The following EXTL3 variants were observed in gnomAD, a reference collection of about 807,000 sequenced individuals.
The protein encoded by EXTL3 is exostosin-like 3.
EXTL3 carries 27 observed loss-of-function variants against 69.3 expected under a neutral mutation model. The ratio of observed to expected loss-of-function variants is 0.39; its 90% CI spans 0.29 to 0.54. The LOEUF is 0.54. Among genes scored for constraint, EXTL3 ranks in the 20% least tolerant of loss-of-function variants. The pLI, the probability that EXTL3 is intolerant of heterozygous loss-of-function variation, is 0.69. For missense variants in EXTL3, 1,003 were observed against 1,231.8 expected, an observed-to-expected ratio of 0.81 and a Z score of 2.78; for synonymous variants, 511 against 499.4, an observed-to-expected ratio of 1.02 and a Z score of -0.31.
Position 28,718,053 on chromosome 8 carries a change from T to A in EXTL3, c.1994T>A (p.Val665Glu). The A allele has an allele frequency of 6.2e-7, 1 of 1,613,642 alleles. No homozygotes were observed. The highest frequency in any genetic ancestry group is 8.5e-7 in the Non-Finnish European group (1 of 1,179,854). ...GGNVPREQFT[V>E]VMLTYEREEV... Reference sequence around the variant, plus strand: ...AATGTTCCCCGAGAGCAGTTCACGGTGGTGATGTTGACTTATGAGCGGGAG... The same window carrying A: ...AATGTTCCCCGAGAGCAGTTCACGGAGGTGATGTTGACTTATGAGCGGGAG... Residue 665 changes from valine (V) to glutamate (E), a missense_variant, in exon 3 of 7, where the codon GTG becomes GAG. Coordinates refer to ENST00000220562, the MANE Select transcript of EXTL3 (RefSeq NM_001440.4).
At chr8:28,696,846 C>T (rs1182363946), upstream of EXTL3, 1 of 152,206 alleles carries the variant, frequency 6.6e-6, no homozygotes, top group East Asian at 1.9e-4. Context: ...AGGTGTTAGC[C>T]ATTGTGTGGT....
intron 1 of EXTL3, among the ~76,000 whole-genome samples, chr8:28,639,867 C>G (rs569206037): frequency 6.6e-6 from 1 of 152,310 alleles, no homozygotes; most frequent in African/African-American, 2.4e-5. Context: ...CTTTGGGAGG[C>G]CAAGGTGGGC....
At chr8:28,725,157 G>A (rs1057347479) in intron 3 of EXTL3, among the ~76,000 whole-genome samples, 4 of 152,060 alleles carry the variant, frequency 2.6e-5, no homozygotes, top group African/African-American at 4.8e-5. Context: ...GGAGATTGTC[G>A]GGCTTGGCTG....
chr8:28,721,596 CTGGAAAT>C (rs1222023382), intron 3 of EXTL3, among the ~76,000 whole-genome samples: 1 of 152,164 alleles, frequency 6.6e-6, no homozygotes, highest in African/African-American at 2.4e-5. Flanking sequence ...CTAGTGCCTT[CTGGAAAT>C]TCTTTTTTTG....
At chr8:28,708,919 AG>A (rs1800976144) in intron 1 of EXTL3, among the ~76,000 whole-genome samples, 1 of 152,140 alleles carries the variant, frequency 6.6e-6, no homozygotes, top group African/African-American at 2.4e-5. Flanking sequence ...CTTTGAATAT[AG>A]TGTTGGTTTT....
rs956333770 is a variant in EXTL3, at chr8:28,753,184, G to C, written c.*2318G>C. On this transcript the variant is annotated 3_prime_UTR_variant, in exon 7 of 7. Transcript: ENST00000220562. ...AGGGGCACGCCCTCCTCAGCGAGAG[G>C]CAGCAAGGTGGCCACAGTGTCACTG... The C allele has an allele frequency of 6.6e-6, 1 of 152,256 alleles. No individual in the cohort carries two copies. Among genetic ancestry groups the C allele is most frequent in the Non-Finnish European group, 1.5e-5 (1 of 68,078 alleles). 9.4% of individuals were successfully genotyped at this position (152,256 alleles called of 1,614,324 possible). A position where few individuals can be genotyped will look rare whatever the true frequency, so the allele number is the denominator to read the frequency against.
intron 1 of EXTL3, among the ~76,000 whole-genome samples, chr8:28,660,507 T>TAC (rs1363657158): frequency 6.6e-6 from 1 of 152,170 alleles, no homozygotes; most frequent in Non-Finnish European, 1.5e-5. Flanking sequence ...CATATATATA[T>TAC]ACACATACAC....
chr8:28,695,944 G>T (rs551944137), intron 1 of EXTL3, among the ~76,000 whole-genome samples: 8 of 152,122 alleles, frequency 5.3e-5, no homozygotes, highest in Middle Eastern at 6.8e-3. Flanking sequence ...TTAAGACATG[G>T]TCTCGCTTTG....
chr8:28,645,010 T>G (rs1251517153), intron 1 of EXTL3, among the ~76,000 whole-genome samples: 2 of 152,194 alleles, frequency 1.3e-5, no homozygotes, highest in Non-Finnish European at 2.9e-5. Flanking sequence ...TGGGTTAACA[T>G]TATCATATTG....
At chr8:28,636,707 G>A (rs868460258) in intron 1 of EXTL3, among the ~76,000 whole-genome samples, 3 of 152,080 alleles carry the variant, frequency 2.0e-5, no homozygotes, top group South Asian at 2.1e-4. Context: ...TTTACTCTGC[G>A]GAAAACTTAG....
At chr8:28,749,623 T>TTTCA (rs139624117) in intron 6 of EXTL3, among the ~76,000 whole-genome samples, 27,285 of 150,532 alleles carry the variant, frequency 0.18, 2,754 homozygotes, top group East Asian at 0.27. Context: ...CCTCTGAGGA[T>TTTCA]TTCATTCATT....
chr8:28,711,859 G>C (rs866638454), intron 1 of EXTL3, among the ~76,000 whole-genome samples: 7 of 152,142 alleles, frequency 4.6e-5, no homozygotes, highest in South Asian at 2.1e-4. Flanking sequence ...GGAAGTCCAG[G>C]GGAGAATTGA....
rs376542340 is a variant in EXTL3 at position 28,628,635 on chromosome 8, A to T, written c.-53+5825A>T. On this transcript the variant is annotated intron_variant, in intron 1 of 6. Transcript: ENST00000523149. ...CGTTATGATCAGATTCCCAAGGCCT[A>T]GGAGCTTGTGACAAACTTGTTTTTT... 9.2e-5 allele frequency among the ~76,000 whole-genome samples: 14 copies of T among 152,306 alleles called. No homozygotes were observed. The South Asian group carries it at 2.9e-3, about 32-fold the overall frequency.
chr8:28,687,139 T>C (rs1392391381), intron 1 of EXTL3, among the ~76,000 whole-genome samples: 1 of 152,102 alleles, frequency 6.6e-6, no homozygotes, highest in East Asian at 1.9e-4. Context: ...ACTATAACAA[T>C]GACATTCCAG....
chr8:28,721,326 C>G (rs549959763), intron 3 of EXTL3, among the ~76,000 whole-genome samples: 1 of 152,206 alleles, frequency 6.6e-6, no homozygotes, highest in Middle Eastern at 3.2e-3. Context: ...GCAGTTTCTA[C>G]GCAGAACTTG....
At position 28,636,319 on chromosome 8, in the gene EXTL3, A is replaced by G. The variant is rs182117238; in HGVS notation, c.-53+13509A>G. ...TGCACTCCAGCCTGGGTGACAGACCAAGACTCCATCTCAAAAAAAAAAAAA... is the reference window on the plus strand; with the variant it reads ...TGCACTCCAGCCTGGGTGACAGACCGAGACTCCATCTCAAAAAAAAAAAAA... On this transcript the variant is annotated intron_variant, in intron 1 of 6. Transcript: ENST00000523149. Among the ~76,000 whole-genome samples, 583 of 144,384 alleles carry G rather than the reference A, an allele frequency of 4.0e-3. 12 individuals are homozygous for G. The highest frequency in any genetic ancestry group is 0.015 in the African/African-American group (538 of 36,808). The allele number at this position is 144,384 out of a possible 152,430, so 94.7% of individuals were successfully genotyped here. A position where few individuals can be genotyped will look rare whatever the true frequency, so the allele number is the denominator to read the frequency against.
chr8:28,703,391 T>A (rs548323946), intron 1 of EXTL3, among the ~76,000 whole-genome samples: 1 of 150,984 alleles, frequency 6.6e-6, no homozygotes, highest in African/African-American at 2.4e-5. Flanking sequence ...GTAAAAAGAT[T>A]TTAAGGGAAC....
intron 1 of EXTL3, among the ~76,000 whole-genome samples, chr8:28,708,737 C>T (rs1229267807): frequency 6.6e-6 from 1 of 152,142 alleles, no homozygotes; most frequent in Admixed American, 6.5e-5. Context: ...ATGCAGACAG[C>T]TCTGTAGAAC....
chr8:28,689,997 CATAA>C, intron 1 of EXTL3, among the ~76,000 whole-genome samples: 1 of 152,216 alleles, frequency 6.6e-6, no homozygotes, highest in South Asian at 2.1e-4. Flanking sequence ...CCAACTCAGC[CATAA>C]ATACAGTTTC....
Sources: allele counts gnomAD v4.1 joint callset (sites outside exome capture counted in the v4.1 genomes callset), GRCh38; gene constraint gnomAD v4.1.1; transcripts MANE v1.5; gene names NCBI Gene and HGNC (gene_info 2026-07-23, HGNC 2026-07-21).